Variants in WIPI1 observed in about 807,000 individuals in gnomAD.
WIPI1 encodes the protein WD repeat domain, phosphoinositide interacting 1, also known as WD repeat domain phosphoinositide-interacting protein 1.
A neutral mutation model predicts 55.3 loss-of-function variants in WIPI1; 45 were observed. The observed-to-expected ratio is 0.81, with a 90% CI of 0.64 to 1.04. The LOEUF is 1.04. Ranked by LOEUF, WIPI1 falls within the 50% of genes least tolerant of loss-of-function variation. The pLI is 0.00. For missense variants in WIPI1, 445 were observed against 559.0 expected, an observed-to-expected ratio of 0.80 and a Z score of 2.06; for synonymous variants, 195 against 217.6, an observed-to-expected ratio of 0.90 and a Z score of 0.92.
intron 3 of WIPI1, among the ~76,000 whole-genome samples, chr17:68,445,107 A>T (rs991283885): frequency 3.3e-5 from 5 of 151,908 alleles, no homozygotes; most frequent in African/African-American, 1.2e-4. Context: ...TTTAGTAGAG[A>T]CGGGGTTTCA....
chr17:68,444,875 CTTCCTT>C (rs2084218046), intron 3 of WIPI1, among the ~76,000 whole-genome samples: 1 of 150,542 alleles, frequency 6.6e-6, no homozygotes, highest in African/African-American at 2.5e-5. Context: ...CCCTCCCTCT[CTTCCTT>C]CTCCTTCTTT....
At chr17:68,435,099 C>G (rs951639533) in intron 6 of WIPI1, among the ~76,000 whole-genome samples, 1 of 151,506 alleles carries the variant, frequency 6.6e-6, no homozygotes, top group Non-Finnish European at 1.5e-5. Flanking sequence ...CTCAGCTACT[C>G]GGGAGGCTGA....
In WIPI1 at chr17:68,423,935, A is replaced by G. The variant is rs1360157588; in HGVS notation, c.1294-2115T>C. 2.6e-5 allele frequency among the ~76,000 whole-genome samples: 4 copies of G among 152,222 alleles called. No individual in the cohort carries two copies. In the East Asian group the frequency reaches 7.7e-4, roughly 29 times the overall value. ...TACAGACTTTTACCAAAATTAGTGA[A>G]ACGGAACCTAGTGAGTGTCTGGATG... On this transcript the variant is annotated intron_variant, in intron 12 of 12. Coordinates refer to ENST00000262139, the MANE Select transcript of WIPI1 (RefSeq NM_017983.7). The surrounding 1 kb of genome is among the most constrained non-coding windows in gnomAD (Gnocchi z 4.4).
At chr17:68,428,090 G>T (rs1021536669) in intron 10 of WIPI1, among the ~76,000 whole-genome samples, 10 of 152,038 alleles carry the variant, frequency 6.6e-5, no homozygotes, top group African/African-American at 4.8e-5. Context: ...TAAGGATGGG[G>T]TTTCACCATG....
chr17:68,441,594 C>A (rs2147936261), intron 4 of WIPI1, among the ~76,000 whole-genome samples: 1 of 152,252 alleles, frequency 6.6e-6, no homozygotes. Context: ...CGAGTGAGGA[C>A]CTGGTCATGT....
intron 4 of WIPI1, among the ~76,000 whole-genome samples, chr17:68,440,159 C>T (rs1040184951): frequency 2.0e-5 from 3 of 152,158 alleles, no homozygotes; most frequent in African/African-American, 4.8e-5. Flanking sequence ...CCTCCAGGCT[C>T]GCACCTCTAC....
chr17:68,434,976 T>C (rs903128698), intron 6 of WIPI1, among the ~76,000 whole-genome samples: 1 of 151,814 alleles, frequency 6.6e-6, no homozygotes, highest in Admixed American at 6.6e-5. Flanking sequence ...CCAAGGCGGG[T>C]GGATTGCCTG....
At chr17:68,434,718 A>G (rs557854207) in intron 6 of WIPI1, 92 bp from the exon 7 acceptor site, 20 of 1,314,928 alleles carry the variant, frequency 1.5e-5, no homozygotes, top group Non-Finnish European at 2.1e-5. Context: ...TTGGTTTTGA[A>G]CATCTGTCTC....
At position 68,457,370 on chromosome 17, in the gene WIPI1, T is replaced by G; in HGVS notation, c.52A>C (p.Ser18Arg). The change falls in exon 1 of 13, where the codon AGC (serine) becomes CGC (arginine). Residue 18 changes from serine (S) to arginine (R), a missense_variant. Ser to Arg is a moderately radical substitution (Grantham distance 110, BLOSUM62 -1). Transcript: ENST00000262139. ...CAGTCCTGGTTGAAAGAGAAGCAGC[T>G]GAGCGCCGACTCAACCCCGCCCGGG... The part of the protein sequence containing the change: ...APPGGVESAL[S>R]CFSFNQDCTS... The G allele has an allele frequency of 6.5e-7, 1 of 1,542,474 alleles. No individual in the cohort carries two copies. The highest frequency in any genetic ancestry group is 1.2e-5 in the South Asian group (1 of 83,504).
At chr17:68,452,804 G>T in intron 2 of WIPI1, 106 bp downstream of exon 2, 1 of 981,532 alleles carries the variant, frequency 1.0e-6, no homozygotes, top group Admixed American at 2.2e-5. Flanking sequence ...AAGTTTGATG[G>T]CTAAGGAAGG....
chr17:68,429,824 G>A (rs1468026983), intron 9 of WIPI1, among the ~76,000 whole-genome samples, 172 bp downstream of exon 9: 2 of 152,122 alleles, frequency 1.3e-5, no homozygotes, highest in Non-Finnish European at 2.9e-5. Context: ...CCTGACCTCA[G>A]ATGATCTGCC....
chr17:68,424,532 G>C (rs1431386008), intron 12 of WIPI1: 1 of 533,338 alleles, frequency 1.9e-6, no homozygotes, highest in South Asian at 1.4e-5. Flanking sequence ...CAGTGCCCAA[G>C]TGGCAGCTCC....
Position 68,428,972 on chromosome 17 carries a change from C to T in WIPI1, c.966-36G>A, listed in dbSNP as rs538921142. ...AGGAAAACATAAACCGTGATGACAA[C>T]GAAGATGGGCGATGGATTCGCTTCC... On this transcript the variant is annotated intron_variant, in intron 9 of 12. Transcript: ENST00000262139. The T allele has an allele frequency of 5.1e-5, 76 of 1,502,360 alleles. No homozygotes were observed. In the South Asian group the frequency reaches 6.3e-4, roughly 12 times the overall value. 93.1% of individuals were successfully genotyped at this position (1,502,360 alleles called of 1,614,324 possible). A position where few individuals can be genotyped will look rare whatever the true frequency, so the allele number is the denominator to read the frequency against.
At chr17:68,424,678 C>G in intron 12 of WIPI1, 1 of 347,996 alleles carries the variant, frequency 2.9e-6, no homozygotes, top group Non-Finnish European at 5.7e-6. Context: ...GAGTTTGAGA[C>G]CAGCGTGACC....
Position 68,426,170 on chromosome 17 carries a change from A to C in WIPI1, c.1198T>G (p.Ser400Ala). ...CCTCGCAGCGCCCCGCCGTCCTCAG[A>C]ATAACCTGGAAACCAAGAAAGAGAC... Reference protein sequence around the residue: ...ASSASTVPGYSEDGGALRGEV... With the variant: ...ASSASTVPGYAEDGGALRGEV... Residue 400 changes from serine to alanine, a missense_variant, in exon 12 of 13, where the codon TCT (serine) becomes GCT (alanine). Ser to Ala is a moderately conservative substitution (Grantham distance 99). Coordinates refer to ENST00000262139, the MANE Select transcript of WIPI1 (RefSeq NM_017983.7). 1 of 1,603,148 alleles carries C rather than the reference A, an allele frequency of 6.2e-7. No homozygotes were observed.
At chr17:68,453,261 A>G (rs1389075961) in intron 1 of WIPI1, among the ~76,000 whole-genome samples, 2 of 152,210 alleles carry the variant, frequency 1.3e-5, no homozygotes, top group Non-Finnish European at 2.9e-5. Context: ...ATCCAACAAA[A>G]TGTCAAATCT....
rs529992031 is a variant in WIPI1, at chr17:68,424,766, A to G, written c.1293+1309T>C. On this transcript the variant is annotated intron_variant, in intron 12 of 12. Coordinates refer to ENST00000262139, the MANE Select transcript of WIPI1 (RefSeq NM_017983.7). The stretch of plus-strand genomic sequence containing the variant: ...GTGGCGCACATCTGTAATTGCAGCT[A>G]CTCGGGAGGCTGAGGCAGGAGAATT... 6.5e-4 allele frequency among the ~76,000 whole-genome samples: 99 copies of G among 152,204 alleles called. 2 individuals carry two copies. Among genetic ancestry groups the G allele is most frequent in the Non-Finnish European group, 4.4e-5 (3 of 68,018 alleles).
At chr17:68,450,960 C>T in intron 2 of WIPI1, 63 bp from the exon 3 acceptor site, 1 of 1,555,034 alleles carries the variant, frequency 6.4e-7, no homozygotes, top group Non-Finnish European at 8.7e-7. Flanking sequence ...ATTCCAGCCT[C>T]CATGACACTG....
Position 68,428,898 on chromosome 17 carries a change from C to A in WIPI1, c.1004G>T (p.Ser335Ile), listed in dbSNP as rs143140512. Residue 335 changes from serine to isoleucine, a missense_variant, in exon 10 of 13, where the codon AGT becomes ATT. Coordinates refer to ENST00000262139, the MANE Select transcript of WIPI1 (RefSeq NM_017983.7). ...CAAATTGTACATATAAAGGTGTCCA[C>A]TGGATGACGCAACTAGCAGCCGTGG... is the stretch of plus-strand genomic sequence containing the variant. ...KLPRLLVASS[S>I]GHLYMYNLDP... The A allele has an allele frequency of 9.0e-5, 145 of 1,614,160 alleles. No homozygotes were observed. The highest frequency in any genetic ancestry group is 8.3e-4 in the Admixed American group (50 of 60,014).
Sources: gnomAD v4.1 joint callset for allele counts (sites outside exome capture counted in the v4.1 genomes callset) on GRCh38, gnomAD v4.1.1 for gene constraint, Gnocchi (gnomAD v3.1) non-coding constraint, MANE v1.5 for transcripts, NCBI Gene and HGNC (gene_info 2026-07-23, HGNC 2026-07-21) for gene names.